ASTN2: variants seen among roughly 807,000 people sequenced by gnomAD.
ASTN2 encodes astrotactin 2, also known as astrotactin-2.
ASTN2 carries 54 observed loss-of-function variants against 139.8 expected under a neutral mutation model. That is an observed-to-expected ratio of 0.39 (90% CI 0.31 to 0.48). The LOEUF (loss-of-function observed/expected upper bound fraction) is 0.48, where lower values mean the gene tolerates loss of function less well. ASTN2 is among the 20% of genes least tolerant of loss of function. ASTN2 has a pLI of 0.95. For synonymous variants in ASTN2, 756 were observed against 719.5 expected (o/e 1.05, Z -0.81); for missense variants, 1,565 against 1,725.1 (o/e 0.91, Z 1.64).
chr9:117,179,349 G>T (rs1830998697), intron 3 of ASTN2, among the ~76,000 whole-genome samples: 1 of 152,064 alleles, frequency 6.6e-6, no homozygotes, highest in African/African-American at 2.4e-5. Context: ...ATATGTGTGT[G>T]TGTGTATGTA....
chr9:117,132,876 G>A (rs534484634), intron 4 of ASTN2, among the ~76,000 whole-genome samples: 1 of 152,262 alleles, frequency 6.6e-6, no homozygotes, highest in Admixed American at 6.5e-5. Flanking sequence ...CAAATCTACA[G>A]CATGCTTTAA....
intron 2 of ASTN2, among the ~76,000 whole-genome samples, chr9:117,231,651 A>G (rs77731300): frequency 0.012 from 1,804 of 152,252 alleles, 31 homozygotes; most frequent in African/African-American, 0.04. Context: ...CCAACGGTTT[A>G]AGGAGAGTTT....
chr9:117,013,781 G>A (rs1398804531), intron 6 of ASTN2, among the ~76,000 whole-genome samples: 1 of 152,118 alleles, frequency 6.6e-6, no homozygotes. Context: ...GGCTACAGAT[G>A]AGAACTAAAA....
chr9:117,257,198 T>C (rs962417552), intron 2 of ASTN2, among the ~76,000 whole-genome samples: 3 of 152,228 alleles, frequency 2.0e-5, no homozygotes, highest in African/African-American at 7.2e-5. Context: ...ATGCTGGTCC[T>C]GATTCATTAA....
chr9:117,047,013 C>G (rs529152931), intron 5 of ASTN2, among the ~76,000 whole-genome samples: 4 of 152,268 alleles, frequency 2.6e-5, no homozygotes, highest in South Asian at 4.1e-4. Flanking sequence ...GCCAATCTGC[C>G]TGCATATCAG....
chr9:116,628,123 A>AT (rs1856554750), intron 17 of ASTN2, among the ~76,000 whole-genome samples: 1 of 152,206 alleles, frequency 6.6e-6, no homozygotes, highest in Non-Finnish European at 1.5e-5. Flanking sequence ...AGATATTGGG[A>AT]TTTTTCACTG....
Position 117,227,176 on chromosome 9 carries a change from C to T in ASTN2, c.631-12434G>A, listed in dbSNP as rs146787305. Among the ~76,000 whole-genome samples the T allele has an allele frequency of 4.7e-4, 71 of 152,266 alleles. No individual in the cohort carries two copies. In the East Asian group the frequency reaches 5.4e-3, roughly 12 times the overall value. On this transcript the variant is annotated intron_variant, in intron 2 of 22. Transcript: ENST00000313400. ...CTGATCTATCACCAAGACAGAGTCA[C>T]GTTGGTGAAGGCTTCCCTTTGCACC...
At chr9:117,374,352 CT>C (rs1307042264) in intron 1 of ASTN2, among the ~76,000 whole-genome samples, 1 of 122,420 alleles carries the variant, frequency 8.2e-6, no homozygotes, top group Non-Finnish European at 1.6e-5. Context: ...AATTATGAGG[CT>C]GCATAAGGGC....
chr9:117,235,421 G>C (rs1423884999), intron 2 of ASTN2, among the ~76,000 whole-genome samples: 1 of 152,110 alleles, frequency 6.6e-6, no homozygotes, highest in South Asian at 2.1e-4. Flanking sequence ...TAAACAATTT[G>C]CTCCGGGTCA....
intron 11 of ASTN2, among the ~76,000 whole-genome samples, chr9:116,824,951 G>A: frequency 6.6e-6 from 1 of 152,160 alleles, no homozygotes; most frequent in African/African-American, 2.4e-5. Context: ...TTGAAACAGG[G>A]AGGTTTTAGT....
chr9:116,499,402 T>A (rs1310407973), intron 19 of ASTN2, among the ~76,000 whole-genome samples: 4 of 152,194 alleles, frequency 2.6e-5, no homozygotes, highest in Non-Finnish European at 5.9e-5. Context: ...TGTTCATCCC[T>A]TAAGTTTTTG....
rs1039851419 is a variant in ASTN2, at chr9:116,426,054, C to T, written c.3817G>A (p.Val1273Met). ...AGGAGGCTGGAGCAGTGGCTACTCA[C>T]CCTCTCCAGTCGCCGTAGAATCAGG... ...AHLILRRLER[V>M]SSHCSSLLRS... The change falls in exon 23 of 23, where the codon GTG (valine) becomes ATG (methionine). Residue 1273 changes from valine (V) to methionine (M), a missense_variant. Coordinates refer to ENST00000313400, the MANE Select transcript of ASTN2 (RefSeq NM_001365068.1). The T allele has an allele frequency of 3.1e-6, 5 of 1,613,710 alleles. No individual in the cohort carries two copies. Among genetic ancestry groups the T allele is most frequent in the Non-Finnish European group, 4.2e-6 (5 of 1,180,026 alleles).
intron 7 of ASTN2, among the ~76,000 whole-genome samples, chr9:116,978,495 G>GCGCACACACACACACACACA: frequency 7.8e-6 from 1 of 127,722 alleles, no homozygotes. Context: ...TCTCTCTCAC[G>GCGCACACACACACACACACA]CACACACACA....
chr9:117,174,408 A>G (rs940251281), intron 3 of ASTN2, among the ~76,000 whole-genome samples: 1 of 151,984 alleles, frequency 6.6e-6, no homozygotes, highest in Admixed American at 6.6e-5. Flanking sequence ...ATTTGAACCA[A>G]TAGTCAGAAA....
chr9:116,981,937 T>C (rs551105807), intron 7 of ASTN2, among the ~76,000 whole-genome samples: 3 of 152,230 alleles, frequency 2.0e-5, no homozygotes, highest in Non-Finnish European at 4.4e-5. Context: ...CAGCAGTAGA[T>C]GAGTTGTGTT....
intron 10 of ASTN2, among the ~76,000 whole-genome samples, chr9:116,951,145 C>T (rs1352720964): frequency 6.6e-6 from 1 of 151,926 alleles, no homozygotes; most frequent in Non-Finnish European, 1.5e-5. Context: ...TGAGACCACC[C>T]TGACCAACAT....
At chr9:116,944,372 A>G (rs1835322526) in intron 10 of ASTN2, among the ~76,000 whole-genome samples, 1 of 152,098 alleles carries the variant, frequency 6.6e-6, no homozygotes, top group Admixed American at 6.5e-5. Flanking sequence ...CAGACATGGG[A>G]GAGAAGATCA....
At chr9:116,609,296 ATCTCTC>A (rs34856740) in intron 19 of ASTN2, among the ~76,000 whole-genome samples, 210 of 123,918 alleles carry the variant, frequency 1.7e-3, no homozygotes, top group East Asian at 0.017. Context: ...AGAAAAAAGG[ATCTCTC>A]TCTCTCTCTC....
intron 4 of ASTN2, among the ~76,000 whole-genome samples, chr9:117,127,702 A>G (rs1829726921): frequency 1.5e-5 from 1 of 67,920 alleles, no homozygotes; most frequent in Admixed American, 2.4e-4. Flanking sequence ...TTTTTTTGAG[A>G]CAGAGTCTCA....
Sources: allele counts gnomAD v4.1 joint callset (sites outside exome capture counted in the v4.1 genomes callset), GRCh38; gene constraint gnomAD v4.1.1; transcripts MANE v1.5; gene names NCBI Gene and HGNC (gene_info 2026-07-23, HGNC 2026-07-21).